The following KLHDC8A variants were observed in gnomAD, a reference collection of about 807,000 sequenced individuals.
The protein encoded by KLHDC8A is kelch domain-containing protein 8A.
KLHDC8A carries 21 observed loss-of-function variants against 33.1 expected under a neutral mutation model. That is an observed-to-expected ratio of 0.64 (90% CI 0.45 to 0.91). The LOEUF (loss-of-function observed/expected upper bound fraction) is 0.91, where lower values mean the gene tolerates loss of function less well. KLHDC8A is among the 40% of genes least tolerant of loss of function. The probability of loss-of-function intolerance (pLI) is 0.00; values close to 1 mark genes in which losing one functional copy is unlikely to be tolerated. For missense variants in KLHDC8A, 435 were observed against 483.3 expected, an observed-to-expected ratio of 0.90 and a Z score of 0.94; for synonymous variants, 173 against 193.5, an observed-to-expected ratio of 0.89 and a Z score of 0.88.
At chr1:205,355,059 C>A (rs755950805) in intron 1 of KLHDC8A, among the ~76,000 whole-genome samples, 1 of 152,142 alleles carries the variant, frequency 6.6e-6, no homozygotes, top group Non-Finnish European at 1.5e-5. Context: ...CAGCCAGGAC[C>A]CAAACGCTGG....
chr1:205,339,615 G>A lies in KLHDC8A; in HGVS notation c.541+29C>T. The A allele has an allele frequency of 6.2e-7, 1 of 1,609,660 alleles. No individual in the cohort carries two copies. The highest frequency in any genetic ancestry group is 8.5e-7 in the Non-Finnish European group (1 of 1,176,636). ...AACTGAGCCAAGGGAAGGAAGGAGG[G>A]TAGGTATAGAACAGTAACCTGTCCT... On this transcript the variant is annotated intron_variant, in intron 3 of 5. Transcript: ENST00000367155. The surrounding 1 kb of genome is among the most constrained non-coding windows in gnomAD (Gnocchi z 5.1).
At chr1:205,356,499 T>A (rs777901880) in intron 1 of KLHDC8A, 34 bp downstream of exon 1, 1 of 455,458 alleles carries the variant, frequency 2.2e-6, no homozygotes, top group Non-Finnish European at 4.4e-6. Context: ...TGCCAAGGCA[T>A]CACTCTGCAT....
chr1:205,355,084 C>A (rs139376676), intron 1 of KLHDC8A, among the ~76,000 whole-genome samples: 7 of 152,180 alleles, frequency 4.6e-5, no homozygotes, highest in South Asian at 2.1e-4. Flanking sequence ...AGGCTCTGAG[C>A]CTGGCTCTCT....
chr1:205,356,595 G>T lies in KLHDC8A; in HGVS notation c.-252C>A, dbSNP rs1341595975. ...CTGCAAAAGACAAAGAAGGGGAGGG[G>T]CCGGGAGAGGGTCGAGCGGGTGTTG... On this transcript the variant is annotated 5_prime_UTR_variant, in exon 1 of 6. Transcript: ENST00000367155. 1 of 456,338 alleles carries T rather than the reference G, an allele frequency of 2.2e-6. No homozygotes were observed. Among genetic ancestry groups the T allele is most frequent in the South Asian group, 1.5e-5 (1 of 64,564 alleles). The allele number at this position is 456,338 out of a possible 1,614,324, so 28.3% of individuals were successfully genotyped here.
intron 1 of KLHDC8A, among the ~76,000 whole-genome samples, chr1:205,347,320 C>A (rs901323014): frequency 6.6e-6 from 1 of 152,188 alleles, no homozygotes; most frequent in African/African-American, 2.4e-5. Context: ...TAGTGTGTAA[C>A]CATTTTCCTG....
chr1:205,355,364 G>A (rs1206540370), intron 1 of KLHDC8A, among the ~76,000 whole-genome samples: 3 of 151,970 alleles, frequency 2.0e-5, no homozygotes, highest in Admixed American at 2.0e-4. Flanking sequence ...CATCCTTCAG[G>A]GCTTGGCCTG....
At chr1:205,338,386 G>A (rs909660939) in intron 5 of KLHDC8A, 109 bp downstream of exon 5, 1 of 809,024 alleles carries the variant, frequency 1.2e-6, no homozygotes, top group Non-Finnish European at 2.1e-6. Flanking sequence ...TATAGTGGTA[G>A]GCAGGTGGTC....
chr1:205,339,932 A>T lies in KLHDC8A; in HGVS notation c.377-124T>A. ...AACCACTGCTCAGCCAGAGTGAGTCATATCTGTATCAGTGTGGTTGATAGC... is the reference window on the plus strand; with the variant it reads ...AACCACTGCTCAGCCAGAGTGAGTCTTATCTGTATCAGTGTGGTTGATAGC... On this transcript the variant is annotated intron_variant, in intron 2 of 5. Coordinates refer to ENST00000367155, the MANE Select transcript of KLHDC8A (RefSeq NM_018203.3). The surrounding 1 kb of genome is among the most constrained non-coding windows in gnomAD (Gnocchi z 5.1). The T allele has an allele frequency of 1.3e-6, 1 of 784,802 alleles. No individual in the cohort carries two copies. Among genetic ancestry groups the T allele is most frequent in the South Asian group, 1.7e-5 (1 of 57,566 alleles). 48.6% of individuals were successfully genotyped at this position (784,802 alleles called of 1,614,324 possible).
chr1:205,337,917 C>T (rs1662679029), intron 5 of KLHDC8A, among the ~76,000 whole-genome samples: 3 of 152,206 alleles, frequency 2.0e-5, no homozygotes, highest in Admixed American at 2.0e-4. Flanking sequence ...ACGGTTCCTT[C>T]ATGCCTGAGT....
chr1:205,356,402 TC>T, intron 1 of KLHDC8A, 130 bp downstream of exon 1: 1 of 405,684 alleles, frequency 2.5e-6, no homozygotes, highest in South Asian at 1.8e-5. Flanking sequence ...CCCTTGTCCC[TC>T]CTGACCCCCA....
chr1:205,344,020 G>A (rs1326446875), intron 1 of KLHDC8A: 1 of 162,156 alleles, frequency 6.2e-6, no homozygotes, highest in Non-Finnish European at 1.3e-5. Flanking sequence ...AGGGGTTCGG[G>A]GTGCCGGGCA....
intron 1 of KLHDC8A, among the ~76,000 whole-genome samples, chr1:205,347,784 A>C (rs1662987191): frequency 6.6e-6 from 1 of 152,068 alleles, no homozygotes; most frequent in African/African-American, 2.4e-5. Flanking sequence ...GAATTAAGGG[A>C]GGGAAAAGTC....
intron 4 of KLHDC8A, 128 bp from the exon 5 acceptor site, chr1:205,338,724 T>A: frequency 1.4e-6 from 1 of 695,492 alleles, no homozygotes; most frequent in Non-Finnish European, 2.5e-6. Context: ...TCCTTTATGC[T>A]TGGGGAGTAC....
At chr1:205,342,941 G>A (rs1662829481) in intron 2 of KLHDC8A, among the ~76,000 whole-genome samples, 1 of 152,140 alleles carries the variant, frequency 6.6e-6, no homozygotes, top group Admixed American at 6.5e-5. Flanking sequence ...CCTGGAATCA[G>A]GTCCCAAAGC....
chr1:205,351,855 G>T (rs1358580482), intron 1 of KLHDC8A, among the ~76,000 whole-genome samples: 1 of 151,944 alleles, frequency 6.6e-6, no homozygotes, highest in African/African-American at 2.4e-5. Context: ...GGAGGTGGAG[G>T]TTGCGGTGAG....
rs922992949 is a variant in KLHDC8A, at chr1:205,343,347, G to A, written c.258C>T (p.Gly86=). ...TCAGGGGCAGCTGATTGGTGCCCAC[G>A]CCCCCAATCACCATGATCCGCTTCC... is the stretch of plus-strand genomic sequence containing the variant. The part of the protein sequence containing the change: ...ALGKRIMVIG[G]VGTNQLPLKV... Residue 86 remains glycine, a synonymous_variant, in exon 2 of 6, where the codon GGC becomes GGT. Coordinates refer to ENST00000367155, the MANE Select transcript of KLHDC8A (RefSeq NM_018203.3). 4.3e-6 allele frequency: 7 copies of A among 1,613,574 alleles called. No homozygotes were observed. In the Admixed American group the frequency reaches 5.0e-5, roughly 12 times the overall value.
In KLHDC8A at chr1:205,343,859, G is replaced by A. The variant is rs1311133422; in HGVS notation, c.-189-66C>T. ...CGCGCCCTCCGGCGGGCAGCGGATG[G>A]GCTCCGCAGCCCCTGGTCAACTTCA... On this transcript the variant is annotated intron_variant, in intron 1 of 5. Coordinates refer to ENST00000367155, the MANE Select transcript of KLHDC8A (RefSeq NM_018203.3). 6.2e-6 allele frequency: 3 copies of A among 481,352 alleles called. No homozygotes were observed. The East Asian group carries it at 1.1e-4, about 18-fold the overall frequency. 29.8% of individuals were successfully genotyped at this position (481,352 alleles called of 1,614,324 possible). A position where few individuals can be genotyped will look rare whatever the true frequency, so the allele number is the denominator to read the frequency against.
chr1:205,345,205 G>A (rs1251968026), intron 1 of KLHDC8A, among the ~76,000 whole-genome samples: 2 of 152,092 alleles, frequency 1.3e-5, no homozygotes, highest in Non-Finnish European at 2.9e-5. Flanking sequence ...GGAAGACCTG[G>A]GTTTGAATCT....
chr1:205,337,035 GTC>G lies in KLHDC8A; in HGVS notation c.*362_*363del. On this transcript the variant is annotated 3_prime_UTR_variant, in exon 6 of 6. Transcript: ENST00000367155. The stretch of plus-strand genomic sequence containing the variant: ...GAGCTGGGGAAAGACAGCAACAGCA[GTC>G]TATCCTCTCGGTCAGAACTGCTCTA... The G allele has an allele frequency of 4.0e-6, 1 of 248,122 alleles. No individual in the cohort carries two copies. Among genetic ancestry groups the G allele is most frequent in the Non-Finnish European group, 7.9e-6 (1 of 126,466 alleles). The allele number at this position is 248,122 out of a possible 1,614,324, so 15.4% of individuals were successfully genotyped here.
Sources: gnomAD v4.1 joint callset for allele counts (sites outside exome capture counted in the v4.1 genomes callset) on GRCh38, gnomAD v4.1.1 for gene constraint, Gnocchi (gnomAD v3.1) non-coding constraint, MANE v1.5 for transcripts, NCBI Gene and HGNC (gene_info 2026-07-23, HGNC 2026-07-21) for gene names.